The following CACNA1S variants were observed in gnomAD, a reference collection of about 807,000 sequenced individuals.
The protein encoded by CACNA1S is voltage-dependent L-type calcium channel subunit alpha-1S.
CACNA1S carries 126 observed loss-of-function variants against 207.4 expected under a neutral mutation model. The ratio of observed to expected loss-of-function variants is 0.61; its 90% CI spans 0.53 to 0.70. The LOEUF (loss-of-function observed/expected upper bound fraction) is 0.70, where lower values mean the gene tolerates loss of function less well. CACNA1S is among the 30% of genes least tolerant of loss of function. CACNA1S has a pLI of 0.00. For missense variants in CACNA1S, 2,349 were observed against 2,422.8 expected (o/e 0.97, Z 0.64); for synonymous variants, 960 against 932.7 (o/e 1.03, Z -0.53).
Position 201,069,485 on chromosome 1 carries a change from G to A in CACNA1S, c.2477C>T (p.Ser826Phe), listed in dbSNP as rs1661373162. The stretch of plus-strand genomic sequence containing the variant: ...GAAGCCCGTCACCTGATTTCTCATG[G>A]AATCAGCCCGGATGGGGTCTTCCGC... Reference protein sequence around the residue: ...LAAEDPIRADSMRNQILKHFD... With the variant: ...LAAEDPIRADFMRNQILKHFD... The change falls in exon 18 of 44, where the codon TCC becomes TTC. Residue 826 changes from serine (S) to phenylalanine (F), a missense_variant. By Grantham distance (155) the Ser-to-Phe change is radical. Coordinates refer to ENST00000362061, the MANE Select transcript of CACNA1S (RefSeq NM_000069.3). 6.2e-7 allele frequency: 1 copy of A among 1,604,192 alleles called. No individual in the cohort carries two copies. The highest frequency in any genetic ancestry group is 2.2e-5 in the East Asian group (1 of 44,518).
At chr1:201,096,201 G>A (rs1329084058) in intron 2 of CACNA1S, among the ~76,000 whole-genome samples, 1 of 152,192 alleles carries the variant, frequency 6.6e-6, no homozygotes, top group African/African-American at 2.4e-5. Flanking sequence ...AGTTTCCTCA[G>A]CCTGTTAGCT....
intron 34 of CACNA1S, among the ~76,000 whole-genome samples, chr1:201,049,988 A>G (rs1025535762): frequency 6.6e-6 from 1 of 152,192 alleles, no homozygotes; most frequent in Non-Finnish European, 1.5e-5. Flanking sequence ...CGAATGTCCC[A>G]AGGCTCAGGT....
chr1:201,054,882 GT>G (rs1214879371), intron 28 of CACNA1S, among the ~76,000 whole-genome samples: 2 of 152,170 alleles, frequency 1.3e-5, no homozygotes, highest in Admixed American at 1.3e-4. Context: ...TTTCTTATGT[GT>G]TTGGGTTATG....
At chr1:201,088,302 G>A (rs998864908) in intron 6 of CACNA1S, among the ~76,000 whole-genome samples, 2 of 152,204 alleles carry the variant, frequency 1.3e-5, no homozygotes, top group Admixed American at 6.5e-5. Flanking sequence ...CTGTGACCCC[G>A]GACAAGTCAC....
rs138837077 is a variant in CACNA1S, at chr1:201,061,332, C to T, written c.3190G>A (p.Val1064Ile). The T allele has an allele frequency of 1.3e-4, 212 of 1,614,048 alleles. 1 individual carries two copies. Among genetic ancestry groups the T allele is most frequent in the Middle Eastern group, 1.6e-4 (1 of 6,084 alleles). ...CCCTGCTCCTGGAAGGTGACAATGA[C>T]GAAGCCCACAAAGATGTTCATCATG... Reference protein sequence around the residue: ...FFMMNIFVGFVIVTFQEQGET... With the variant: ...FFMMNIFVGFIIVTFQEQGET... Residue 1064 changes from valine to isoleucine, a missense_variant, in exon 25 of 44, where the codon GTC becomes ATC. By Grantham distance (29) the Val-to-Ile change is conservative. Transcript: ENST00000362061.
chr1:201,100,149 C>CA (rs1206644541), intron 2 of CACNA1S, among the ~76,000 whole-genome samples: 1 of 152,216 alleles, frequency 6.6e-6, no homozygotes, highest in African/African-American at 2.4e-5. Context: ...GCTCAGGATC[C>CA]ATGGAAAGTT....
Position 201,079,598 on chromosome 1 carries a change from C to G in CACNA1S, c.1394-1494G>C, listed in dbSNP as rs183235451. Among the ~76,000 whole-genome samples, 7 of 145,900 alleles carry G rather than the reference C, an allele frequency of 4.8e-5. No homozygotes were observed. The East Asian group carries it at 1.2e-3, about 26-fold the overall frequency. ...TGTGTCCTGACTGAAAATCGCAGAG[C>G]GCTTTGACCGCTCTGGGACCCGCAG... On this transcript the variant is annotated intron_variant, in intron 10 of 43. Transcript: ENST00000362061.
At chr1:201,098,744 C>T (rs1189580339) in intron 2 of CACNA1S, among the ~76,000 whole-genome samples, 1 of 152,220 alleles carries the variant, frequency 6.6e-6, no homozygotes, top group Non-Finnish European at 1.5e-5. Context: ...CAGTGGCTGT[C>T]CCTGACCCCC....
intron 39 of CACNA1S, 127 bp downstream of exon 39, chr1:201,044,201 G>A: frequency 8.7e-7 from 1 of 1,151,008 alleles, no homozygotes; most frequent in East Asian, 2.6e-5. Context: ...GAAGTGGAGA[G>A]ACGGAGTGGG....
At chr1:201,067,278 G>T (rs1056350279) in intron 19 of CACNA1S, among the ~76,000 whole-genome samples, 3 of 152,116 alleles carry the variant, frequency 2.0e-5, no homozygotes, top group Admixed American at 1.3e-4. Flanking sequence ...GCCACAGAGT[G>T]GGGGAGCCCT....
chr1:201,041,188 C>A (rs1157289975), intron 41 of CACNA1S, among the ~76,000 whole-genome samples: 2 of 152,094 alleles, frequency 1.3e-5, no homozygotes, highest in African/African-American at 2.4e-5. Flanking sequence ...GGACCTGGGG[C>A]GGTGTGGGGA....
Position 201,043,420 on chromosome 1 carries a change from C to T in CACNA1S, c.4909G>A (p.Glu1637Lys). 1 of 1,614,190 alleles carries T rather than the reference C, an allele frequency of 6.2e-7. No individual in the cohort carries two copies. The highest frequency in any genetic ancestry group is 8.5e-7 in the Non-Finnish European group (1 of 1,180,040). ...PLQFAEIEME[E>K]MESPVFLEDF... ...TCCAAGAAGACAGGTGACTCCATCT[C>T]TTCCATCTCTATCTCAGCAAACTGG... The change falls in exon 40 of 44, where the codon GAG (glutamate) becomes AAG (lysine). Residue 1637 changes from glutamate to lysine, a missense_variant. Glu to Lys is a moderately conservative substitution (Grantham distance 56, BLOSUM62 1). Transcript: ENST00000362061.
At chr1:201,050,648 C>G (rs917908969) in intron 33 of CACNA1S, 132 bp from the exon 34 acceptor site, 6 of 927,370 alleles carry the variant, frequency 6.5e-6, no homozygotes, top group Non-Finnish European at 1.0e-5. Context: ...CCTTCTGAAC[C>G]ACCCACATCA....
intron 7 of CACNA1S, among the ~76,000 whole-genome samples, chr1:201,087,625 A>T (rs1270494782): frequency 6.6e-6 from 1 of 152,042 alleles, no homozygotes. Context: ...CTGAGATGAC[A>T]GGGAACCCAG....
Position 201,104,657 on chromosome 1 carries a change from C to T in CACNA1S, c.258+5507G>A, listed in dbSNP as rs1484716756. Among the ~76,000 whole-genome samples the T allele has an allele frequency of 3.3e-5, 5 of 152,358 alleles. No homozygotes were observed. The East Asian group carries it at 7.7e-4, about 23-fold the overall frequency. On this transcript the variant is annotated intron_variant, in intron 2 of 43. Coordinates refer to ENST00000362061, the MANE Select transcript of CACNA1S (RefSeq NM_000069.3). ...TGATATGTGTTCCTTGGATATTTTA[C>T]TCACAGTTGTGTTTTCACTTTTTGA...
intron 32 of CACNA1S, among the ~76,000 whole-genome samples, chr1:201,051,831 G>A (rs936297110): frequency 1.3e-5 from 2 of 152,174 alleles, no homozygotes; most frequent in African/African-American, 2.4e-5. Flanking sequence ...GGGTGGCCTC[G>A]GGTTTGGAGT....
intron 5 of CACNA1S, among the ~76,000 whole-genome samples, chr1:201,089,686 G>C (rs1662161590): frequency 6.6e-6 from 1 of 152,218 alleles, no homozygotes; most frequent in Non-Finnish European, 1.5e-5. Context: ...TGGGCCCCTG[G>C]GCCTCATGGC....
intron 41 of CACNA1S, among the ~76,000 whole-genome samples, chr1:201,041,059 C>T (rs965654650): frequency 6.6e-6 from 1 of 152,166 alleles, no homozygotes; most frequent in African/African-American, 2.4e-5. Flanking sequence ...GCCACTAGCC[C>T]CCAGCATCCT....
chr1:201,110,787 G>T (rs1663069540), intron 1 of CACNA1S, among the ~76,000 whole-genome samples: 1 of 152,102 alleles, frequency 6.6e-6, no homozygotes. Flanking sequence ...GCACATGCTG[G>T]TGTGCACGTG....
Sources: gnomAD v4.1 joint callset for allele counts (sites outside exome capture counted in the v4.1 genomes callset) on GRCh38, gnomAD v4.1.1 for gene constraint, MANE v1.5 for transcripts, NCBI Gene and HGNC (gene_info 2026-07-23, HGNC 2026-07-21) for gene names.